MRPL43: variants seen among roughly 807,000 people sequenced by gnomAD.
The protein encoded by MRPL43 is large ribosomal subunit protein mL43.
Under a neutral mutation model 12.7 loss-of-function variants are expected in MRPL43, and 9 were observed. The ratio of observed to expected loss-of-function variants is 0.71; its 90% CI spans 0.43 to 1.24. The LOEUF is 1.24. MRPL43 is among the 50% of genes most tolerant of loss of function. The pLI, the probability that MRPL43 is intolerant of heterozygous loss-of-function variation, is 0.00. For synonymous variants in MRPL43, 116 were observed against 96.4 expected (o/e 1.20, Z -1.19); for missense variants, 211 against 229.2 (o/e 0.92, Z 0.51).
chr10:100,986,521 C>A lies in MRPL43; in HGVS notation c.*213G>T. On this transcript the variant is annotated 3_prime_UTR_variant, in exon 3 of 3. Transcript: ENST00000318364. ...TCCTCATCTCAGGTTTTAGGGATGC[C>A]ACTTGCATAAAAATGAGTGGTTCAC... The A allele has an allele frequency of 6.4e-7, 1 of 1,552,156 alleles. No individual in the cohort carries two copies. Among genetic ancestry groups the A allele is most frequent in the Non-Finnish European group, 8.7e-7 (1 of 1,147,614 alleles).
At chr10:100,984,853 A>T (rs546548368), downstream of MRPL43, 3 of 1,499,030 alleles carry the variant, frequency 2.0e-6, no homozygotes, top group African/African-American at 2.8e-5. Flanking sequence ...GCCCTTGTGA[A>T]TCAGCCTCCC....
Position 100,986,422 on chromosome 10 carries a change from TCTCA to T in MRPL43, c.*308_*311del. 1 of 1,500,086 alleles carries T rather than the reference TCTCA, an allele frequency of 6.7e-7. No individual in the cohort carries two copies. The allele number at this position is 1,500,086 out of a possible 1,614,324, so 92.9% of individuals were successfully genotyped here. On this transcript the variant is annotated 3_prime_UTR_variant, in exon 3 of 3. Coordinates refer to ENST00000318364, the MANE Select transcript of MRPL43 (RefSeq NM_032112.3). ...TTCTTCAGAAGCCAGCCTTCAGACC[TCTCA>T]CTGTGTTTTGAGATCATTATTATCA...
chr10:100,981,013 G>C (rs747182765), downstream of MRPL43: 14 of 1,593,148 alleles, frequency 8.8e-6, no homozygotes, highest in Non-Finnish European at 1.0e-5. Context: ...AAGTGGTGGG[G>C]GGTGACAGTC....
downstream of MRPL43, among the ~76,000 whole-genome samples, chr10:100,982,692 A>G (rs1851158524): frequency 1.3e-5 from 2 of 152,224 alleles, no homozygotes; most frequent in African/African-American, 4.8e-5. Context: ...CTCAGGAGCC[A>G]GAGGCAAGAT....
At chr10:100,984,584 G>A, downstream of MRPL43, 4 of 1,536,196 alleles carry the variant, frequency 2.6e-6, no homozygotes, top group South Asian at 1.2e-5. Flanking sequence ...ACCTCTGCCA[G>A]CCACCTAAGC....
At chr10:100,985,464 C>G (rs566052365), downstream of MRPL43, 1 of 152,982 alleles carries the variant, frequency 6.5e-6, no homozygotes, top group African/African-American at 2.4e-5. Context: ...ACCTCCACCC[C>G]ACAATGAATG....
downstream of MRPL43, chr10:100,979,324 G>A: frequency 6.2e-7 from 1 of 1,614,084 alleles, no homozygotes; most frequent in Non-Finnish European, 8.5e-7. Flanking sequence ...ATAGGGGCTG[G>A]AGCAGAGGTC....
chr10:100,986,900 G>A lies in MRPL43; in HGVS notation c.314C>T (p.Ala105Val). ...EEISTLVQKL[A>V]DQSGLDVIRI... The stretch of plus-strand genomic sequence containing the variant: ...GATCACGTCCAAGCCCGACTGGTCG[G>A]CCAGCTTCTGCACCAGCGTCGAGAT... The change falls in exon 3 of 3, where the codon GCC becomes GTC. Residue 105 changes from alanine (A) to valine (V), a missense_variant. Physicochemically the swap from Ala to Val is moderately conservative, Grantham distance 64. Transcript: ENST00000318364. 1 of 1,612,198 alleles carries A rather than the reference G, an allele frequency of 6.2e-7. No homozygotes were observed. The highest frequency in any genetic ancestry group is 8.5e-7 in the Non-Finnish European group (1 of 1,180,016).
chr10:100,979,278 G>A (rs1850938712), downstream of MRPL43: 2 of 1,614,212 alleles, frequency 1.2e-6, no homozygotes, highest in Non-Finnish European at 1.7e-6. Flanking sequence ...AGTGGTCAGT[G>A]CAGGGACAAT....
downstream of MRPL43, chr10:100,978,745 G>C (rs752248533): frequency 5.8e-6 from 9 of 1,559,022 alleles, no homozygotes; most frequent in Non-Finnish European, 7.0e-6. Context: ...AGGTGAGCCT[G>C]TCCATTCCAT....
At position 100,986,559 on chromosome 10, in the gene MRPL43, C is replaced by T; in HGVS notation, c.*175G>A. On this transcript the variant is annotated 3_prime_UTR_variant, in exon 3 of 3. Coordinates refer to ENST00000318364, the MANE Select transcript of MRPL43 (RefSeq NM_032112.3). ...ATGAGTGGTTCACAAGGTCACTGCC[C>T]CCAGAAGCAGGCACTGGAAAGAAAC... The T allele has an allele frequency of 6.4e-7, 1 of 1,568,284 alleles. No individual in the cohort carries two copies. The highest frequency in any genetic ancestry group is 2.4e-5 in the East Asian group (1 of 41,714).
At chr10:100,983,546 C>T (rs757318232), downstream of MRPL43, 90 of 1,613,942 alleles carry the variant, frequency 5.6e-5, no homozygotes, top group South Asian at 9.4e-4. Context: ...CCCTGCTGGC[C>T]TCCTATAGTC....
At chr10:100,987,041 G>T in intron 2 of MRPL43, 49 bp downstream of exon 2, 3 of 1,608,320 alleles carry the variant, frequency 1.9e-6, no homozygotes, top group East Asian at 4.5e-5. Flanking sequence ...GGAGGATAGC[G>T]GGTCGAGCCC....
downstream of MRPL43, chr10:100,983,742 C>G (rs756057332): frequency 2.5e-5 from 40 of 1,613,102 alleles, no homozygotes; most frequent in Non-Finnish European, 3.4e-5. Flanking sequence ...AGGGCGCCGA[C>G]GGAAATACTC....
Position 100,986,384 on chromosome 10 carries a change from A to T in MRPL43, c.*350T>A. 1 of 1,464,064 alleles carries T rather than the reference A, an allele frequency of 6.8e-7. No homozygotes were observed. The highest frequency in any genetic ancestry group is 9.0e-7 in the Non-Finnish European group (1 of 1,111,978). The allele number at this position is 1,464,064 out of a possible 1,614,324, so 90.7% of individuals were successfully genotyped here. On this transcript the variant is annotated 3_prime_UTR_variant, in exon 3 of 3. Transcript: ENST00000318364. Reference sequence around the variant, plus strand: ...TCCGTAGCTCAGTGGTTGTTCCAATAAGACATCAGGGATTCTTCAGAAGCC... The same window carrying T: ...TCCGTAGCTCAGTGGTTGTTCCAATTAGACATCAGGGATTCTTCAGAAGCC...
downstream of MRPL43, chr10:100,981,599 T>C: frequency 1.3e-6 from 2 of 1,596,558 alleles, no homozygotes; most frequent in Non-Finnish European, 1.7e-6. Flanking sequence ...GTATTTACTG[T>C]GTGCCAGACA....
Position 100,986,546 on chromosome 10 carries a change from C to T in MRPL43, c.*188G>A, listed in dbSNP as rs1371938026. 1 of 1,558,508 alleles carries T rather than the reference C, an allele frequency of 6.4e-7. No homozygotes were observed. Among genetic ancestry groups the T allele is most frequent in the East Asian group, 2.4e-5 (1 of 41,222 alleles). ...CACTTGCATAAAAATGAGTGGTTCA[C>T]AAGGTCACTGCCCCCAGAAGCAGGC... On this transcript the variant is annotated 3_prime_UTR_variant, in exon 3 of 3. Transcript: ENST00000318364.
chr10:100,984,710 AC>A, downstream of MRPL43: 1 of 1,535,772 alleles, frequency 6.5e-7, no homozygotes, highest in Non-Finnish European at 8.7e-7. Flanking sequence ...GACTTGGGGT[AC>A]CCTCCCAATT....
At chr10:100,979,350 G>A (rs761422909), downstream of MRPL43, 7 of 1,612,916 alleles carry the variant, frequency 4.3e-6, no homozygotes, top group African/African-American at 4.0e-5. Flanking sequence ...GGATGAGATA[G>A]GATCCACTGT....
Sources: allele counts gnomAD v4.1 joint callset (sites outside exome capture counted in the v4.1 genomes callset), GRCh38; gene constraint gnomAD v4.1.1; transcripts MANE v1.5; gene names NCBI Gene and HGNC (gene_info 2026-07-23, HGNC 2026-07-21).